SETD5: variants seen among roughly 807,000 people sequenced by gnomAD.
SETD5 encodes histone-lysine N-methyltransferase SETD5.
In SETD5, 44 loss-of-function variants were observed where a neutral mutation model predicts 153.3. The observed-to-expected ratio is 0.29, with a 90% CI of 0.23 to 0.37. The LOEUF (loss-of-function observed/expected upper bound fraction) is 0.37. Among genes scored for constraint, SETD5 ranks in the 10% least tolerant of loss-of-function variants. The pLI is 1.00. For missense variants in SETD5, 1,544 were observed against 1,768.0 expected, an observed-to-expected ratio of 0.87 and a Z score of 2.27; for synonymous variants, 716 against 645.2, an observed-to-expected ratio of 1.11 and a Z score of -1.66.
rs1047579259 is a variant in SETD5 at position 9,473,489 on chromosome 3, G to A, written c.3449G>A (p.Gly1150Asp). 1.2e-6 allele frequency: 2 copies of A among 1,613,584 alleles called. No homozygotes were observed. The highest frequency in any genetic ancestry group is 2.7e-5 in the African/African-American group (2 of 74,886). ...GCGGTAAGCCCATCAGATTCCAGAG[G>A]CACTTCTTCATCTCACTGCAGACCT... ...LEAVSPSDSR[G>D]TSSSHCRPQE... Residue 1150 changes from glycine to aspartate, a missense_variant, in exon 20 of 23, where the codon GGC becomes GAC. Physicochemically the swap from Gly to Asp is moderately conservative, Grantham distance 94. Around this residue, in one of 9 missense-constraint regions of SETD5, gnomAD observed 93 missense variants for 93.4 expected, o/e 1.00. Transcript: ENST00000402198.
chr3:9,442,167 T>G lies in SETD5; in HGVS notation c.999T>G (p.Gly333=). ...PFVLFYSKFN[G]VEMCVDARTF... ...TGCTCTTCTACTCAAAATTCAATGG[T>G]GTAGAGATGTGTGTGGATGCCCGTA... The change falls in exon 10 of 23, where the codon GGT becomes GGG. Residue 333 remains glycine (G), a synonymous_variant. Coordinates refer to ENST00000402198, the MANE Select transcript of SETD5 (RefSeq NM_001080517.3). 6.2e-7 allele frequency: 1 copy of G among 1,613,020 alleles called. No homozygotes were observed. Among genetic ancestry groups the G allele is most frequent in the Non-Finnish European group, 8.5e-7 (1 of 1,179,752 alleles).
chr3:9,426,213 C>CGTTTTTTTTTTTTTTTTT, intron 2 of SETD5: 1 of 68,526 alleles, frequency 1.5e-5, no homozygotes, highest in African/African-American at 7.4e-5. Context: ...TCATCAGTCC[C>CGTTTTTTTTTTTTTTTTT]TTTTTTTTTT....
At chr3:9,436,856 C>A in intron 7 of SETD5, 1 of 1,550,086 alleles carries the variant, frequency 6.5e-7, no homozygotes, top group Non-Finnish European at 8.7e-7. Flanking sequence ...ATAGGCATTT[C>A]GAGAGGGATC....
chr3:9,455,123 T>C (rs2043069675), intron 17 of SETD5, among the ~76,000 whole-genome samples: 1 of 151,690 alleles, frequency 6.6e-6, no homozygotes. Flanking sequence ...TACTTCTTTT[T>C]AGATTTTATT....
chr3:9,408,681 A>G (rs1341058853), intron 1 of SETD5, among the ~76,000 whole-genome samples: 1 of 152,130 alleles, frequency 6.6e-6, no homozygotes, highest in Non-Finnish European at 1.5e-5. Context: ...TTATAATAGT[A>G]CTGTGTATTT....
In SETD5 at chr3:9,400,460, T is replaced by C. The variant is rs369135232; in HGVS notation, c.-177+2483T>C. Among the ~76,000 whole-genome samples, 138 of 152,368 alleles carry C rather than the reference T, an allele frequency of 9.1e-4. 1 individual carries two copies. Among genetic ancestry groups the C allele is most frequent in the African/African-American group, 2.9e-3 (122 of 41,588 alleles). ...TCTTTAATCATAGAATCAATTCTTA[T>C]TATTTTGTTATGTGTCTCCATCCTT... On this transcript the variant is annotated intron_variant, in intron 1 of 22. Coordinates refer to ENST00000402198, the MANE Select transcript of SETD5 (RefSeq NM_001080517.3).
At chr3:9,464,320 A>T in intron 17 of SETD5, 105 bp from the exon 18 acceptor site, 1 of 1,470,810 alleles carries the variant, frequency 6.8e-7, no homozygotes, top group Non-Finnish European at 9.1e-7. Context: ...GGGATGAGGC[A>T]GAAAACAGTT....
Position 9,433,921 on chromosome 3 carries a change from A to G in SETD5, c.148A>G (p.Arg50Gly). The change falls in exon 4 of 23, where the codon AGG becomes GGG. Residue 50 changes from arginine to glycine, a missense_variant. This residue lies in a region of SETD5 where 251 missense variants were observed against 326.9 expected (regional missense o/e 0.77). Coordinates refer to ENST00000402198, the MANE Select transcript of SETD5 (RefSeq NM_001080517.3). ...CACTCATAATTATGGGACCACTCAGAGGCATGGGTGTCGAGGACTGCCTTA... is the reference window on the plus strand; with the variant it reads ...CACTCATAATTATGGGACCACTCAGGGGCATGGGTGTCGAGGACTGCCTTA... ...YSTHNYGTTQ[R>G]HGCRGLPYAT... The G allele has an allele frequency of 6.2e-7, 1 of 1,613,942 alleles. No homozygotes were observed. The highest frequency in any genetic ancestry group is 8.5e-7 in the Non-Finnish European group (1 of 1,179,856).
chr3:9,471,549 T>C (rs1430458654), intron 19 of SETD5, among the ~76,000 whole-genome samples: 5 of 152,074 alleles, frequency 3.3e-5, no homozygotes, highest in Admixed American at 6.5e-5. Context: ...GTGCAAACAG[T>C]TGGATGTTGT....
intron 15 of SETD5, among the ~76,000 whole-genome samples, 178 bp from the exon 16 acceptor site, chr3:9,448,210 T>C (rs1340477618): frequency 5.9e-5 from 9 of 152,212 alleles, no homozygotes; most frequent in Non-Finnish European, 1.3e-4. Flanking sequence ...CTGAAATTAT[T>C]CCTCTCTTAG....
chr3:9,431,530 G>C lies in SETD5; in HGVS notation c.72-2315G>C, dbSNP rs923296110. On this transcript the variant is annotated intron_variant, in intron 3 of 22. Coordinates refer to ENST00000402198, the MANE Select transcript of SETD5 (RefSeq NM_001080517.3). ...TGTAGTTACCTGTAAGTGTCTAACT[G>C]TGTATTCAATCAGTAACCAATATGG... 5.1e-6 allele frequency: 5 copies of C among 982,200 alleles called. No homozygotes were observed. The African/African-American group carries it at 7.0e-5, about 14-fold the overall frequency. The allele number at this position is 982,200 out of a possible 1,614,324, so 60.8% of individuals were successfully genotyped here. A position where few individuals can be genotyped will look rare whatever the true frequency, so the allele number is the denominator to read the frequency against.
At chr3:9,412,947 T>C (rs2036828388) in intron 1 of SETD5, among the ~76,000 whole-genome samples, 1 of 152,162 alleles carries the variant, frequency 6.6e-6, no homozygotes, top group African/African-American at 2.4e-5. Flanking sequence ...CAGCTGGCCT[T>C]GAACTCCTGG....
Position 9,416,955 on chromosome 3 carries a change from TAAAA to T in SETD5, c.-176-7509_-176-7506del, listed in dbSNP as rs550422868. On this transcript the variant is annotated intron_variant, in intron 1 of 22. Transcript: ENST00000402198. ...ACCATAAAGTTTTTTTTTTTTAAGA[TAAAA>T]AATAAAAGCATGAATAGTGTAAACA... is the stretch of plus-strand genomic sequence containing the variant. 8.8e-3 allele frequency among the ~76,000 whole-genome samples: 1,330 copies of T among 151,892 alleles called. 12 individuals carry two copies. The highest frequency in any genetic ancestry group is 0.014 in the Non-Finnish European group (931 of 67,920).
chr3:9,449,676 A>G (rs2042403928), intron 16 of SETD5: 1 of 152,246 alleles, frequency 6.6e-6, no homozygotes, highest in Non-Finnish European at 1.5e-5. Context: ...GGAGGGGGGC[A>G]TGAAAGATGA....
chr3:9,432,948 TC>T (rs2040142966), intron 3 of SETD5, among the ~76,000 whole-genome samples: 1 of 152,160 alleles, frequency 6.6e-6, no homozygotes, highest in South Asian at 2.1e-4. Context: ...GACTTTGGAG[TC>T]AGACAGACTT....
chr3:9,459,629 A>C (rs7651326), intron 17 of SETD5, among the ~76,000 whole-genome samples: 18,694 of 150,966 alleles, frequency 0.12, 1,266 homozygotes, highest in Middle Eastern at 0.16. Flanking sequence ...ACAACAACAA[A>C]AAAAAAAACC....
chr3:9,462,594 AAAAAAAAG>A (rs1241922195), intron 17 of SETD5, among the ~76,000 whole-genome samples: 2 of 148,560 alleles, frequency 1.3e-5, no homozygotes, highest in Non-Finnish European at 3.0e-5. Context: ...CTCAAAAAAA[AAAAAAAAG>A]AAAAAAAGAA....
chr3:9,452,190 A>G (rs1559447120), intron 16 of SETD5, among the ~76,000 whole-genome samples: 1 of 152,180 alleles, frequency 6.6e-6, no homozygotes, highest in Non-Finnish European at 1.5e-5. Flanking sequence ...AATGTAAATT[A>G]TTTTACAAGT....
intron 7 of SETD5, among the ~76,000 whole-genome samples, chr3:9,437,347 A>G (rs2040693575): frequency 6.6e-6 from 1 of 152,158 alleles, no homozygotes; most frequent in South Asian, 2.1e-4. Flanking sequence ...AACTTAGGTA[A>G]TGCTAGCATG....
Sources: gnomAD v4.1 joint callset for allele counts (sites outside exome capture counted in the v4.1 genomes callset) on GRCh38, gnomAD v4.1.1 for gene constraint, gnomAD v4.1.1 regional missense constraint, MANE v1.5 for transcripts, NCBI Gene and HGNC (gene_info 2026-07-23, HGNC 2026-07-21) for gene names.